CDK14: variants seen among roughly 807,000 people sequenced by gnomAD.
CDK14 encodes cyclin dependent kinase 14.
CDK14 carries 34 observed loss-of-function variants against 60.7 expected under a neutral mutation model. The ratio of observed to expected loss-of-function variants is 0.56; its 90% CI spans 0.43 to 0.75. CDK14 has a LOEUF of 0.75. Among genes scored for constraint, CDK14 ranks in the 30% least tolerant of loss-of-function variants. The probability of loss-of-function intolerance (pLI) is 0.00; values close to 1 mark genes in which losing one functional copy is unlikely to be tolerated. For synonymous variants in CDK14, 197 were observed against 203.7 expected, an observed-to-expected ratio of 0.97 and a Z score of 0.28; for missense variants, 482 against 564.1, an observed-to-expected ratio of 0.85 and a Z score of 1.47.
At chr7:90,986,822 T>C (rs1486812424) in intron 10 of CDK14, among the ~76,000 whole-genome samples, 1 of 151,988 alleles carries the variant, frequency 6.6e-6, no homozygotes, top group Non-Finnish European at 1.5e-5. Context: ...TTCTGAACTT[T>C]AGACTCCACT....
rs1171694416 is a variant in CDK14 at position 91,207,368 on chromosome 7, C to A, written c.*232C>A. 6.6e-6 allele frequency: 1 copy of A among 152,360 alleles called. No homozygotes were observed. Among genetic ancestry groups the A allele is most frequent in the East Asian group, 1.9e-4 (1 of 5,206 alleles). 9.4% of individuals were successfully genotyped at this position (152,360 alleles called of 1,614,324 possible). On this transcript the variant is annotated 3_prime_UTR_variant, in exon 15 of 15. Coordinates refer to ENST00000380050, the MANE Select transcript of CDK14 (RefSeq NM_001287135.2). ...GATACCTTGTGATTTCCAAGAACTACGTGAAGATTAAGCTTTGCTTACTGA... is the reference window on the plus strand; with the variant it reads ...GATACCTTGTGATTTCCAAGAACTAAGTGAAGATTAAGCTTTGCTTACTGA...
chr7:90,977,809 A>G (rs569893841), intron 9 of CDK14, among the ~76,000 whole-genome samples: 2 of 152,154 alleles, frequency 1.3e-5, no homozygotes, highest in South Asian at 4.1e-4. Flanking sequence ...CATTCAGCAA[A>G]TATTTTTGAG....
chr7:90,921,234 A>C (rs1042171773), intron 8 of CDK14, among the ~76,000 whole-genome samples: 2 of 152,148 alleles, frequency 1.3e-5, no homozygotes, highest in African/African-American at 2.4e-5. Flanking sequence ...GCCAAATCCC[A>C]AACTTCTTTC....
At chr7:90,639,919 G>A (rs530834312) in intron 2 of CDK14, among the ~76,000 whole-genome samples, 18 of 152,096 alleles carry the variant, frequency 1.2e-4, no homozygotes, top group Non-Finnish European at 2.1e-4. Flanking sequence ...AGGACCCTCC[G>A]AGCCAGGTGC....
At chr7:90,842,383 T>G (rs3802022) in intron 5 of CDK14, among the ~76,000 whole-genome samples, 109,757 of 151,998 alleles carry the variant, frequency 0.72, 39,843 homozygotes, top group East Asian at 0.89. Context: ...GGAAATATTC[T>G]CTTATTAGTG....
intron 11 of CDK14, among the ~76,000 whole-genome samples, chr7:91,077,429 G>A (rs552803177): frequency 2.6e-5 from 4 of 152,090 alleles, no homozygotes; most frequent in African/African-American, 9.6e-5. Flanking sequence ...CTCGTAAGTG[G>A]GAATTTAACA....
intron 2 of CDK14, among the ~76,000 whole-genome samples, chr7:90,683,550 C>T (rs1801365870): frequency 6.6e-6 from 1 of 152,236 alleles, no homozygotes; most frequent in African/African-American, 2.4e-5. Flanking sequence ...CCTGTAATCC[C>T]AGCACTTTGG....
At chr7:91,112,706 C>T in intron 13 of CDK14, 25 bp downstream of exon 13, 1 of 1,609,930 alleles carries the variant, frequency 6.2e-7, no homozygotes, top group Non-Finnish European at 8.5e-7. Context: ...TCCACAACAT[C>T]CAGTCCAAGC....
At chr7:91,015,491 G>A (rs891317789) in intron 10 of CDK14, among the ~76,000 whole-genome samples, 4 of 147,722 alleles carry the variant, frequency 2.7e-5, no homozygotes, top group African/African-American at 1.0e-4. Context: ...GGTTTGTTGG[G>A]TCTCCCTACC....
At chr7:90,973,788 A>G (rs1397085834) in intron 9 of CDK14, among the ~76,000 whole-genome samples, 1 of 152,172 alleles carries the variant, frequency 6.6e-6, no homozygotes, top group African/African-American at 2.4e-5. Context: ...CACAGAGATC[A>G]CATGCTTCAA....
At chr7:90,612,588 G>A (rs1157345929) in intron 2 of CDK14, among the ~76,000 whole-genome samples, 4 of 151,856 alleles carry the variant, frequency 2.6e-5, no homozygotes, top group African/African-American at 7.3e-5. Flanking sequence ...CCTGGCCAAC[G>A]TGGTGAAACC....
At chr7:90,844,056 C>G (rs1790384352) in intron 5 of CDK14, among the ~76,000 whole-genome samples, 1 of 152,142 alleles carries the variant, frequency 6.6e-6, no homozygotes, top group African/African-American at 2.4e-5. Context: ...ATTATCATTA[C>G]TCCTTGGAGT....
intron 9 of CDK14, among the ~76,000 whole-genome samples, chr7:90,974,681 G>T (rs1211336907): frequency 6.6e-6 from 1 of 151,978 alleles, no homozygotes; most frequent in Non-Finnish European, 1.5e-5. Flanking sequence ...ATTATTTATT[G>T]AGTTAATTAC....
At chr7:90,707,320 G>A (rs7787316) in intron 2 of CDK14, among the ~76,000 whole-genome samples, 14,993 of 152,072 alleles carry the variant, frequency 0.099, 813 homozygotes, top group Non-Finnish European at 0.12. Context: ...TTCATGTCCA[G>A]TCACTCAGCA....
chr7:91,198,406 G>T (rs1802618579), intron 14 of CDK14, among the ~76,000 whole-genome samples: 1 of 152,184 alleles, frequency 6.6e-6, no homozygotes, highest in East Asian at 1.9e-4. Context: ...CCCAATTTTG[G>T]ATGCAAGGGC....
At chr7:90,825,559 G>T (rs1025887447) in intron 5 of CDK14, among the ~76,000 whole-genome samples, 1 of 152,082 alleles carries the variant, frequency 6.6e-6, no homozygotes, top group East Asian at 1.9e-4. Context: ...GCCTTGCTGT[G>T]GTATAAGTAA....
intron 10 of CDK14, among the ~76,000 whole-genome samples, chr7:91,032,814 G>A (rs1796801600): frequency 6.6e-6 from 1 of 152,114 alleles, no homozygotes. Context: ...AGCAGTCACG[G>A]GAAATCAATA....
intron 12 of CDK14, among the ~76,000 whole-genome samples, chr7:91,103,830 GAGAGAGAGAGAGAA>G (rs1449513252): frequency 1.3e-5 from 2 of 151,708 alleles, no homozygotes; most frequent in African/African-American, 2.4e-5. Context: ...GAGACCGAGA[GAGAGAGAGAGAGAA>G]AGAGAGAGAG....
intron 5 of CDK14, among the ~76,000 whole-genome samples, chr7:90,835,911 A>G (rs962246507): frequency 1.3e-5 from 2 of 152,172 alleles, no homozygotes; most frequent in Non-Finnish European, 2.9e-5. Context: ...ATGTTTTCCT[A>G]TTGAATACTG....
Sources: gnomAD v4.1 joint callset for allele counts (sites outside exome capture counted in the v4.1 genomes callset) on GRCh38, gnomAD v4.1.1 for gene constraint, MANE v1.5 for transcripts, NCBI Gene and HGNC (gene_info 2026-07-23, HGNC 2026-07-21) for gene names.